The following TANC1 variants were observed in gnomAD, a reference collection of about 807,000 sequenced individuals.
TANC1 encodes tetratricopeptide repeat, ankyrin repeat and coiled-coil containing 1.
TANC1 carries 77 observed loss-of-function variants against 149.7 expected under a neutral mutation model. The ratio of observed to expected loss-of-function variants is 0.51; its 90% CI spans 0.43 to 0.62. The LOEUF (loss-of-function observed/expected upper bound fraction) is 0.62. TANC1 is among the 20% of genes least tolerant of loss of function. The pLI is 0.00. For synonymous variants in TANC1, 854 were observed against 925.0 expected (o/e 0.92, Z 1.39); for missense variants, 1,985 against 2,321.8 (o/e 0.85, Z 2.98).
intron 6 of TANC1, 131 bp from the exon 7 acceptor site, chr2:159,150,239 T>C: frequency 1.5e-6 from 1 of 681,098 alleles, no homozygotes; most frequent in Non-Finnish European, 2.4e-6. Context: ...TACACACATA[T>C]CTCTTTAGAT....
At chr2:159,225,261 G>T (rs2059949210) in intron 23 of TANC1, 2 of 232,670 alleles carry the variant, frequency 8.6e-6, no homozygotes, top group Non-Finnish European at 8.4e-6. Context: ...TTGTGGCCGA[G>T]CTGTAGGGTA....
At chr2:159,003,874 G>T (rs1395100107) in intron 2 of TANC1, 4 of 1,612,542 alleles carry the variant, frequency 2.5e-6, no homozygotes, top group Middle Eastern at 1.9e-4. Flanking sequence ...CCAAACTTCA[G>T]GCTCAGGTCC....
chr2:159,229,445 TG>T, intron 26 of TANC1, 132 bp from the exon 27 acceptor site: 1 of 757,920 alleles, frequency 1.3e-6, no homozygotes, highest in Non-Finnish European at 2.1e-6. Context: ...AAGTGGGTCC[TG>T]GCCACCACCG....
intron 2 of TANC1, among the ~76,000 whole-genome samples, chr2:159,033,604 C>T (rs2039953106): frequency 6.6e-6 from 1 of 152,160 alleles, no homozygotes; most frequent in Non-Finnish European, 1.5e-5. Context: ...GGGAAGCCAT[C>T]CAGACTCAAC....
At chr2:159,029,792 C>T (rs1331263899) in intron 2 of TANC1, among the ~76,000 whole-genome samples, 1 of 152,082 alleles carries the variant, frequency 6.6e-6, no homozygotes. Flanking sequence ...AACTCCTAGT[C>T]TCAAGTGATC....
rs1445557208 is a variant in TANC1, at chr2:159,163,527, AC to A, written c.928del (p.Arg310GlyfsTer16). The A allele has an allele frequency of 6.2e-7, 1 of 1,612,434 alleles. No individual in the cohort carries two copies. Among genetic ancestry groups the A allele is most frequent in the Non-Finnish European group, 8.5e-7 (1 of 1,179,774 alleles). ...AGGGCTCCAGCTCACTAATAATGCC[AC>A]GGCCCAACTCAGTTGCAGGTAAGGC... ...SQGSSSLIMP[R>X]PNSVAATSST... On this transcript the variant is annotated frameshift_variant, in exon 8 of 27. Transcript: ENST00000263635. LOFTEE classifies it high-confidence loss of function.
chr2:159,023,572 G>A (rs777379519), intron 2 of TANC1, among the ~76,000 whole-genome samples: 18 of 151,950 alleles, frequency 1.2e-4, no homozygotes, highest in Non-Finnish European at 2.6e-4. Context: ...AAACTCCTGA[G>A]CTCAAGCAAT....
Position 159,103,439 on chromosome 2 carries a change from G to T in TANC1, c.259+5605G>T. On this transcript the variant is annotated intron_variant, in intron 4 of 26. Coordinates refer to ENST00000263635, the MANE Select transcript of TANC1 (RefSeq NM_033394.3). ...AGCTTAAATGGATGGTGCTTTGTGC[G>T]GCCTAACTGTGGACTACTGACAATT... is the stretch of plus-strand genomic sequence containing the variant. Among the ~76,000 whole-genome samples the T allele has an allele frequency of 2.1e-5, 2 of 96,130 alleles. 1 individual carries two copies. Among genetic ancestry groups the T allele is most frequent in the East Asian group, 4.6e-4 (2 of 4,310 alleles). The allele number at this position is 96,130 out of a possible 152,430, so 63.1% of individuals were successfully genotyped here.
intron 2 of TANC1, among the ~76,000 whole-genome samples, chr2:159,023,181 G>A (rs1034170891): frequency 6.6e-6 from 1 of 152,026 alleles, no homozygotes; most frequent in Non-Finnish European, 1.5e-5. Context: ...TTTTTTGTGT[G>A]TGGTCTTGGG....
intron 3 of TANC1, among the ~76,000 whole-genome samples, chr2:159,088,742 A>G (rs2045220356): frequency 6.6e-6 from 1 of 152,156 alleles, no homozygotes. Flanking sequence ...CGTGTGGCCC[A>G]AGACAATTCT....
chr2:159,009,382 A>G (rs2037537373), intron 2 of TANC1, among the ~76,000 whole-genome samples: 1 of 152,238 alleles, frequency 6.6e-6, no homozygotes, highest in Non-Finnish European at 1.5e-5. Context: ...CAGCAGATGA[A>G]TAGAATGTAA....
intron 3 of TANC1, among the ~76,000 whole-genome samples, chr2:159,090,411 C>T (rs537941438): frequency 4.6e-5 from 7 of 152,330 alleles, no homozygotes; most frequent in African/African-American, 1.4e-4. Context: ...CTGTGGCTCT[C>T]GGTCCTGGCT....
intron 5 of TANC1, among the ~76,000 whole-genome samples, chr2:159,145,843 A>C (rs1174370294): frequency 6.6e-6 from 1 of 152,214 alleles, no homozygotes; most frequent in Non-Finnish European, 1.5e-5. Flanking sequence ...CTCATCTCCA[A>C]ATAAAGCCAT....
rs1217146449 is a variant in TANC1 at position 159,176,624 on chromosome 2, A to G, written c.1902+106A>G. ...TAAACCATTCAGCTGCTTGAATTGG[A>G]AACTATGTTAAGAATTTGAAAAACT... On this transcript the variant is annotated intron_variant, in intron 13 of 26. Coordinates refer to ENST00000263635, the MANE Select transcript of TANC1 (RefSeq NM_033394.3). The G allele has an allele frequency of 3.3e-6, 3 of 902,676 alleles. No homozygotes were observed. In the East Asian group the frequency reaches 8.9e-5, roughly 27 times the overall value. The allele number at this position is 902,676 out of a possible 1,614,324, so 55.9% of individuals were successfully genotyped here.
chr2:159,213,189 A>G (rs1212949643), intron 19 of TANC1, among the ~76,000 whole-genome samples: 1 of 152,040 alleles, frequency 6.6e-6, no homozygotes, highest in East Asian at 1.9e-4. Flanking sequence ...ATCAACTCAA[A>G]ATCTTTATGC....
chr2:159,048,976 G>T (rs1001409082), intron 2 of TANC1, among the ~76,000 whole-genome samples: 2 of 152,144 alleles, frequency 1.3e-5, no homozygotes, highest in Non-Finnish European at 2.9e-5. Flanking sequence ...ATGGACTTTT[G>T]TGCTGTACCA....
intron 2 of TANC1, among the ~76,000 whole-genome samples, chr2:159,058,711 G>T (rs1415521457): frequency 6.6e-6 from 1 of 152,216 alleles, no homozygotes; most frequent in Non-Finnish European, 1.5e-5. Flanking sequence ...TTAGAAGGAA[G>T]CAACTTCTTT....
intron 3 of TANC1, among the ~76,000 whole-genome samples, chr2:159,082,597 G>T (rs1409514573): frequency 1.3e-5 from 2 of 152,142 alleles, no homozygotes; most frequent in African/African-American, 4.8e-5. Flanking sequence ...TCCATCTGGA[G>T]CAGATGGGGG....
At chr2:159,129,312 A>G (rs1240796017) in intron 4 of TANC1, among the ~76,000 whole-genome samples, 1 of 152,204 alleles carries the variant, frequency 6.6e-6, no homozygotes, top group Non-Finnish European at 1.5e-5. Context: ...CTTTTAAAAA[A>G]TACTCCTTAT....
Sources: gnomAD v4.1 joint callset for allele counts (sites outside exome capture counted in the v4.1 genomes callset) on GRCh38, gnomAD v4.1.1 for gene constraint, MANE v1.5 for transcripts, NCBI Gene and HGNC (gene_info 2026-07-23, HGNC 2026-07-21) for gene names.